Variants in SAMMSON observed in about 807,000 individuals in gnomAD.
SAMMSON encodes the protein survival associated mitochondrial melanoma specific oncogenic non-coding RNA.
chr3:70,003,700 C>T (rs1454168842), intron 1 of SAMMSON, among the ~76,000 whole-genome samples: 4 of 134,734 alleles, frequency 3.0e-5, no homozygotes, highest in Non-Finnish European at 4.6e-5. Flanking sequence ...CATTTTGACA[C>T]ATCACATATT....
intron 4 of SAMMSON, among the ~76,000 whole-genome samples, chr3:70,199,775 T>A (rs1227148463): frequency 2.6e-5 from 4 of 152,176 alleles, no homozygotes; most frequent in Admixed American, 2.6e-4. Context: ...TCCTGGTGCT[T>A]TAATGTTTAA....
At chr3:70,421,981 T>C (rs1244404656) in intron 2 of SAMMSON, among the ~76,000 whole-genome samples, 1 of 152,026 alleles carries the variant, frequency 6.6e-6, no homozygotes, top group Non-Finnish European at 1.5e-5. Context: ...CATTAAAAAA[T>C]GCAACCCACA....
chr3:70,418,940 CTTTCCTTTCCTTTCCTTTCCTTTCCT>C (rs1166624195), intron 2 of SAMMSON, among the ~76,000 whole-genome samples: 2 of 91,474 alleles, frequency 2.2e-5, no homozygotes, highest in African/African-American at 3.9e-5. Context: ...CTTTCCTTTC[CTTTCCTTTCCTTTCCTTTCCTTTCCT>C]TTCCTTCCTT....
intron 2 of SAMMSON, among the ~76,000 whole-genome samples, chr3:70,399,041 A>G (rs1056678921): frequency 2.6e-5 from 4 of 152,232 alleles, no homozygotes; most frequent in African/African-American, 9.6e-5. Flanking sequence ...TCTGAAAGCA[A>G]ATACATGAAT....
intron 6 of SAMMSON, among the ~76,000 whole-genome samples, chr3:70,275,282 G>T (rs1702012633): frequency 6.6e-6 from 1 of 152,108 alleles, no homozygotes; most frequent in South Asian, 2.1e-4. Context: ...CAGCACTTTG[G>T]CAGGCCGAGG....
intron 3 of SAMMSON, among the ~76,000 whole-genome samples, chr3:70,039,943 C>G (rs962361499): frequency 1.3e-5 from 2 of 152,030 alleles, no homozygotes; most frequent in African/African-American, 4.8e-5. Flanking sequence ...AAGTTGATGG[C>G]CCTTCACAAG....
chr3:70,167,456 A>G (rs569787640), intron 4 of SAMMSON, among the ~76,000 whole-genome samples: 1 of 152,128 alleles, frequency 6.6e-6, no homozygotes, highest in African/African-American at 2.4e-5. Context: ...ATTTCTCTAA[A>G]CGTAACATAA....
Position 70,157,064 on chromosome 3 carries a change from T to C in SAMMSON, n.507+85499T>C, listed in dbSNP as rs181111286. Among the ~76,000 whole-genome samples, 20 of 152,256 alleles carry C rather than the reference T, an allele frequency of 1.3e-4. No individual in the cohort carries two copies. The East Asian group carries it at 3.7e-3, about 28-fold the overall frequency. ...CTTTCGAAAGCAGGGTAAAAAGATATAGTCATGGGCTTCTTTGTCAGCAGC... is the reference window on the plus strand; with the variant it reads ...CTTTCGAAAGCAGGGTAAAAAGATACAGTCATGGGCTTCTTTGTCAGCAGC... On this transcript the variant is annotated intron_variant and non_coding_transcript_variant, in intron 4 of 9. Transcript: ENST00000642114.
intron 6 of SAMMSON, among the ~76,000 whole-genome samples, chr3:70,290,748 G>T (rs1414069463): frequency 1.3e-5 from 2 of 152,190 alleles, no homozygotes; most frequent in East Asian, 1.9e-4. Context: ...CCAGGTGCAG[G>T]TTATAATCTC....
intron 4 of SAMMSON, among the ~76,000 whole-genome samples, chr3:70,240,550 A>G (rs987536374): frequency 1.3e-5 from 2 of 152,170 alleles, no homozygotes; most frequent in African/African-American, 4.8e-5. Flanking sequence ...AAACAGATGC[A>G]CTGGTTGGCT....
Position 70,098,324 on chromosome 3 carries a change from G to A in SAMMSON, n.507+26759G>A, listed in dbSNP as rs562026305. Among the ~76,000 whole-genome samples, 4 of 152,172 alleles carry A rather than the reference G, an allele frequency of 2.6e-5. No homozygotes were observed. In the East Asian group the frequency reaches 7.7e-4, roughly 29 times the overall value. The stretch of plus-strand genomic sequence containing the variant: ...GCCTCTCTCCCTTCCCTCCTATCCT[G>A]TTCCGTTCTCCCTACTGCCACCTGA... On this transcript the variant is annotated intron_variant and non_coding_transcript_variant, in intron 4 of 9. Coordinates refer to ENST00000642114, the Ensembl canonical transcript of SAMMSON.
chr3:70,406,356 AC>A (rs1701177743), intron 2 of SAMMSON, among the ~76,000 whole-genome samples: 1 of 152,238 alleles, frequency 6.6e-6, no homozygotes, highest in Non-Finnish European at 1.5e-5. Context: ...AAATGAAAGT[AC>A]TATAGGTTTT....
chr3:70,141,184 GAACT>G (rs1187345571), intron 4 of SAMMSON, among the ~76,000 whole-genome samples: 3 of 152,094 alleles, frequency 2.0e-5, no homozygotes, highest in Non-Finnish European at 2.9e-5. Flanking sequence ...CAGAGAAAAA[GAACT>G]AATAAGATCT....
intron 4 of SAMMSON, among the ~76,000 whole-genome samples, chr3:70,084,245 T>A (rs1476014412): frequency 6.6e-6 from 1 of 152,144 alleles, no homozygotes; most frequent in Admixed American, 6.5e-5. Context: ...GCCTGGAGAC[T>A]GTTTATTAGG....
chr3:70,100,591 A>C (rs1185799464), intron 4 of SAMMSON, among the ~76,000 whole-genome samples: 1 of 151,530 alleles, frequency 6.6e-6, no homozygotes, highest in South Asian at 2.1e-4. Flanking sequence ...TTTTTCCCTA[A>C]TTCTTTCCCA....
chr3:70,006,746 G>A (rs1456488178), intron 1 of SAMMSON, among the ~76,000 whole-genome samples: 2 of 151,406 alleles, frequency 1.3e-5, no homozygotes, highest in Non-Finnish European at 2.9e-5. Context: ...CCATGTTGGT[G>A]TGCTGCACCC....
chr3:70,289,281 C>A (rs1236610085), intron 6 of SAMMSON, among the ~76,000 whole-genome samples: 2 of 151,038 alleles, frequency 1.3e-5, no homozygotes, highest in African/African-American at 4.9e-5. Context: ...TCAGCATTTG[C>A]TTGTCTGTAA....
At chr3:70,071,407 T>C (rs1176266800) in intron 3 of SAMMSON, 1 of 152,124 alleles carries the variant, frequency 6.6e-6, no homozygotes, top group Non-Finnish European at 1.5e-5. Flanking sequence ...ATACACTATG[T>C]ATATTTTTCC....
At chr3:70,397,714 G>T (rs560123072) in intron 2 of SAMMSON, among the ~76,000 whole-genome samples, 3 of 151,776 alleles carry the variant, frequency 2.0e-5, no homozygotes, top group Non-Finnish European at 4.4e-5. Context: ...AGATCAAAAG[G>T]TATAAATATC....
Sources: gnomAD v4.1 joint callset for allele counts (sites outside exome capture counted in the v4.1 genomes callset) on GRCh38, gnomAD v4.1.1 for gene constraint, MANE v1.5 for transcripts, NCBI Gene and HGNC (gene_info 2026-07-23, HGNC 2026-07-21) for gene names.